The following FBXW7 variants were observed in gnomAD, a reference collection of about 807,000 sequenced individuals.
The protein encoded by FBXW7 is F-box/WD repeat-containing protein 7.
A neutral mutation model predicts 86.3 loss-of-function variants in FBXW7; 11 were observed. The observed-to-expected ratio is 0.13, with a 90% CI of 0.08 to 0.21. The LOEUF (loss-of-function observed/expected upper bound fraction) is 0.21, where lower values mean the gene tolerates loss of function less well. Among genes scored for constraint, FBXW7 ranks in the 10% least tolerant of loss-of-function variants. The pLI is 1.00. For synonymous variants in FBXW7, 313 were observed against 297.9 expected, an observed-to-expected ratio of 1.05 and a Z score of -0.52; for missense variants, 488 against 847.4, an observed-to-expected ratio of 0.58 and a Z score of 5.27.
chr4:152,530,047 C>A (rs1579447001), intron 2 of FBXW7, among the ~76,000 whole-genome samples: 2 of 142,350 alleles, frequency 1.4e-5, no homozygotes. Context: ...CAGAATGAGA[C>A]CCCGTCACAA....
At chr4:152,471,227 A>G (rs1017109138) in intron 2 of FBXW7, among the ~76,000 whole-genome samples, 1 of 151,918 alleles carries the variant, frequency 6.6e-6, no homozygotes, top group Admixed American at 6.6e-5. Context: ...TATATATATA[A>G]AATTTTAAAT....
intron 2 of FBXW7, among the ~76,000 whole-genome samples, chr4:152,466,184 T>C (rs892677275): frequency 6.6e-6 from 1 of 152,156 alleles, no homozygotes; most frequent in Non-Finnish European, 1.5e-5. Context: ...TAGGTCAAAA[T>C]ACATGAAATA....
chr4:152,404,932 A>C (rs988780602), intron 4 of FBXW7, among the ~76,000 whole-genome samples: 12 of 151,942 alleles, frequency 7.9e-5, no homozygotes, highest in Non-Finnish European at 1.6e-4. Context: ...GTCTTTACAG[A>C]TAATTCAAAA....
At chr4:152,489,914 A>G (rs1455780808) in intron 2 of FBXW7, among the ~76,000 whole-genome samples, 1 of 152,122 alleles carries the variant, frequency 6.6e-6, no homozygotes, top group Non-Finnish European at 1.5e-5. Context: ...TTCAGTTGTT[A>G]CCTATTATGA....
intron 2 of FBXW7, among the ~76,000 whole-genome samples, chr4:152,437,290 A>C (rs1196658244): frequency 1.3e-5 from 2 of 151,910 alleles, no homozygotes; most frequent in Admixed American, 6.6e-5. Flanking sequence ...CAGAAGAATC[A>C]CTTGAACCCG....
chr4:152,398,116 C>G (rs1197303415), intron 4 of FBXW7, among the ~76,000 whole-genome samples: 2 of 151,754 alleles, frequency 1.3e-5, no homozygotes, highest in Non-Finnish European at 2.9e-5. Flanking sequence ...TATTATCTGA[C>G]AGTGCACATA....
chr4:152,398,372 G>A (rs1018532564), intron 4 of FBXW7, among the ~76,000 whole-genome samples: 17 of 151,332 alleles, frequency 1.1e-4, no homozygotes, highest in Admixed American at 1.1e-3. Context: ...TTCTATGTAT[G>A]CTAAACATAC....
At chr4:152,390,368 A>G (rs1735896418) in intron 4 of FBXW7, among the ~76,000 whole-genome samples, 1 of 152,138 alleles carries the variant, frequency 6.6e-6, no homozygotes, top group South Asian at 2.1e-4. Context: ...TCAATGACTT[A>G]ACATAACCTG....
intron 5 of FBXW7, chr4:152,348,533 T>C (rs1731491294): frequency 6.1e-6 from 1 of 164,612 alleles, no homozygotes; most frequent in Non-Finnish European, 1.3e-5. Context: ...AGGCTAAAAA[T>C]AAAACTTCTG....
At chr4:152,380,215 C>T (rs966587954) in intron 4 of FBXW7, among the ~76,000 whole-genome samples, 6 of 151,846 alleles carry the variant, frequency 4.0e-5, no homozygotes, top group South Asian at 2.1e-4. Flanking sequence ...CCATACAATA[C>T]GTCAGGTACA....
intron 4 of FBXW7, among the ~76,000 whole-genome samples, chr4:152,355,791 T>C (rs1241215246): frequency 2.6e-5 from 4 of 151,944 alleles, no homozygotes; most frequent in East Asian, 1.9e-4. Flanking sequence ...GCATAGAAGT[T>C]AGAAGTAACG....
intron 2 of FBXW7, among the ~76,000 whole-genome samples, chr4:152,492,397 C>T (rs1745948119): frequency 6.6e-6 from 1 of 152,194 alleles, no homozygotes; most frequent in South Asian, 2.1e-4. Context: ...TCCGAAAACA[C>T]CTAGAAGTAG....
chr4:152,346,510 A>G (rs544039663), intron 6 of FBXW7, among the ~76,000 whole-genome samples: 3 of 152,234 alleles, frequency 2.0e-5, no homozygotes, highest in Non-Finnish European at 2.9e-5. Context: ...TGTTTTTAAT[A>G]GCATTTTTAA....
At chr4:152,391,394 C>T (rs1189932780) in intron 4 of FBXW7, among the ~76,000 whole-genome samples, 1 of 151,882 alleles carries the variant, frequency 6.6e-6, no homozygotes, top group Non-Finnish European at 1.5e-5. Flanking sequence ...AGCTGAGAGC[C>T]TAAGTTTTCA....
intron 4 of FBXW7, among the ~76,000 whole-genome samples, chr4:152,391,598 T>C (rs898459821): frequency 6.6e-6 from 1 of 151,976 alleles, no homozygotes; most frequent in East Asian, 1.9e-4. Context: ...GCTTAGAAAA[T>C]ACGTACGCAT....
chr4:152,491,990 T>C (rs778610812), intron 2 of FBXW7, among the ~76,000 whole-genome samples: 22 of 152,208 alleles, frequency 1.4e-4, no homozygotes, highest in Non-Finnish European at 2.5e-4. Flanking sequence ...CTCTATGAGA[T>C]ATGGAACATT....
intron 2 of FBXW7, among the ~76,000 whole-genome samples, chr4:152,468,484 A>G (rs1743653302): frequency 6.6e-6 from 1 of 152,188 alleles, no homozygotes; most frequent in African/African-American, 2.4e-5. Context: ...ATGCTAAATT[A>G]AAGAAGCCAG....
chr4:152,424,409 A>G (rs1047447056), intron 2 of FBXW7, among the ~76,000 whole-genome samples: 10 of 152,218 alleles, frequency 6.6e-5, no homozygotes, highest in African/African-American at 1.9e-4. Flanking sequence ...CATTAAACAG[A>G]AATATAGCTA....
chr4:152,392,910 G>C (rs1454242817), intron 4 of FBXW7, among the ~76,000 whole-genome samples: 2 of 152,106 alleles, frequency 1.3e-5, no homozygotes, highest in Admixed American at 6.6e-5. Context: ...TTTTTAAAGA[G>C]TTACTTTGGC....
Sources: gnomAD v4.1 joint callset for allele counts (sites outside exome capture counted in the v4.1 genomes callset) on GRCh38, gnomAD v4.1.1 for gene constraint, MANE v1.5 for transcripts, NCBI Gene and HGNC (gene_info 2026-07-23, HGNC 2026-07-21) for gene names.